ADAM10: variants seen among roughly 807,000 people sequenced by gnomAD.
ADAM10 encodes the protein disintegrin and metalloproteinase domain-containing protein 10.
In ADAM10, 17 loss-of-function variants were observed where a neutral mutation model predicts 90.1. The ratio of observed to expected loss-of-function variants is 0.19; its 90% CI spans 0.13 to 0.28. The LOEUF (loss-of-function observed/expected upper bound fraction) is 0.28. ADAM10 is among the 10% of genes least tolerant of loss of function. ADAM10 has a pLI of 1.00. For missense variants in ADAM10, 610 were observed against 914.3 expected, an observed-to-expected ratio of 0.67 and a Z score of 4.29; for synonymous variants, 310 against 298.6, an observed-to-expected ratio of 1.04 and a Z score of -0.40.
At chr15:58,633,878 G>A (rs1440395644) in intron 8 of ADAM10, among the ~76,000 whole-genome samples, 2 of 104,180 alleles carry the variant, frequency 1.9e-5, no homozygotes, top group African/African-American at 7.0e-5. Flanking sequence ...TGTAAAAATA[G>A]AAAATAATCA....
chr15:58,708,667 T>C (rs548925389), intron 2 of ADAM10, among the ~76,000 whole-genome samples: 23 of 152,236 alleles, frequency 1.5e-4, no homozygotes, highest in Admixed American at 1.3e-3. Context: ...AATACCAACC[T>C]GGCAATTGAT....
intron 4 of ADAM10, among the ~76,000 whole-genome samples, chr15:58,678,662 T>G (rs1192625817): frequency 6.6e-6 from 1 of 152,190 alleles, no homozygotes; most frequent in African/African-American, 2.4e-5. Context: ...GTCAAGTCAT[T>G]ACCTTAAGAT....
intron 11 of ADAM10, among the ~76,000 whole-genome samples, chr15:58,620,660 A>AT (rs570842513): frequency 0.91 from 53,878 of 59,398 alleles, 25,890 homozygotes; most frequent in East Asian, 0.98. Context: ...AAGAATATGT[A>AT]TTTTTTTTTT....
At chr15:58,748,931 TAA>T (rs1899882417) in intron 1 of ADAM10, 5 of 397,846 alleles carry the variant, frequency 1.3e-5, no homozygotes, top group African/African-American at 1.0e-4. Context: ...GCGCGCCGGG[TAA>T]AGAACAATAC....
intron 2 of ADAM10, among the ~76,000 whole-genome samples, chr15:58,700,148 G>A (rs1431243450): frequency 3.9e-5 from 6 of 152,110 alleles, no homozygotes; most frequent in Non-Finnish European, 5.9e-5. Context: ...ATAATAGTTG[G>A]TAGACTTCAA....
At position 58,729,013 on chromosome 15, in the gene ADAM10, A is replaced by C. The variant is rs924501733; in HGVS notation, c.56-11286T>G. ...AGAAAACAGCAACTAAGCCATTTTCAAGAACTTCTTAGAAGACCAGAAGGT... is the reference window on the plus strand; with the variant it reads ...AGAAAACAGCAACTAAGCCATTTTCCAGAACTTCTTAGAAGACCAGAAGGT... On this transcript the variant is annotated intron_variant, in intron 1 of 15. Coordinates refer to ENST00000260408, the MANE Select transcript of ADAM10 (RefSeq NM_001110.4). Among the ~76,000 whole-genome samples the C allele has an allele frequency of 7.2e-5, 11 of 152,306 alleles. No individual in the cohort carries two copies. In the South Asian group the frequency reaches 1.0e-3, roughly 14 times the overall value.
intron 9 of ADAM10, 54 bp from the exon 10 acceptor site, chr15:58,627,937 G>A (rs1175686040): frequency 6.5e-7 from 1 of 1,538,774 alleles, no homozygotes; most frequent in African/African-American, 1.4e-5. Context: ...AGGTTTTCAG[G>A]TCAACTGATT....
intron 1 of ADAM10, among the ~76,000 whole-genome samples, chr15:58,726,617 GAA>G: frequency 1.1e-5 from 1 of 92,098 alleles, no homozygotes; most frequent in African/African-American, 4.1e-5. Context: ...AAAAATGCAA[GAA>G]AAGAGGGGGA....
At chr15:58,729,596 G>T (rs1747175203) in intron 1 of ADAM10, among the ~76,000 whole-genome samples, 1 of 152,116 alleles carries the variant, frequency 6.6e-6, no homozygotes, top group Non-Finnish European at 1.5e-5. Flanking sequence ...CAGCTATACA[G>T]GTTGAGTATC....
At chr15:58,740,012 T>G (rs1899553972) in intron 1 of ADAM10, among the ~76,000 whole-genome samples, 1 of 152,256 alleles carries the variant, frequency 6.6e-6, no homozygotes, top group South Asian at 2.1e-4. Context: ...GACACTGTGC[T>G]AGGTCCTAAA....
rs996816002 is a variant in ADAM10, at chr15:58,589,356, G to C, written c.*8191C>G. The C allele has an allele frequency of 1.3e-5, 2 of 152,210 alleles. No individual in the cohort carries two copies. Among genetic ancestry groups the C allele is most frequent in the Non-Finnish European group, 2.9e-5 (2 of 68,046 alleles). The allele number at this position is 152,210 out of a possible 1,614,324, so 9.4% of individuals were successfully genotyped here. A position where few individuals can be genotyped will look rare whatever the true frequency, so the allele number is the denominator to read the frequency against. On this transcript the variant is annotated 3_prime_UTR_variant, in exon 16 of 16. Transcript: ENST00000260408. ...TTGTGACAGCAGCTTGGACTAGTTA[G>C]AGCAAACTTTTACCGAAACTCCAAA... is the stretch of plus-strand genomic sequence containing the variant.
At chr15:58,652,353 T>C (rs1896710084) in intron 5 of ADAM10, among the ~76,000 whole-genome samples, 1 of 152,232 alleles carries the variant, frequency 6.6e-6, no homozygotes, top group Admixed American at 6.5e-5. Flanking sequence ...CAACGTTTTC[T>C]TGCAGCAGTC....
intron 3 of ADAM10, among the ~76,000 whole-genome samples, chr15:58,680,228 T>A (rs1021980903): frequency 3.9e-5 from 6 of 152,024 alleles, no homozygotes; most frequent in African/African-American, 7.2e-5. Flanking sequence ...GCTCAGGCAC[T>A]CCTCCCACCT....
chr15:58,684,923 T>G, intron 2 of ADAM10, among the ~76,000 whole-genome samples: 1 of 152,138 alleles, frequency 6.6e-6, no homozygotes, highest in Non-Finnish European at 1.5e-5. Flanking sequence ...GAACACCCAC[T>G]TGGTGTCTGG....
rs1894827116 is a variant in ADAM10 at position 58,591,687 on chromosome 15, CTA to C, written c.*5858_*5859del. The C allele has an allele frequency of 6.6e-6, 1 of 152,340 alleles. No homozygotes were observed. Among genetic ancestry groups the C allele is most frequent in the South Asian group, 2.1e-4 (1 of 4,828 alleles). 9.4% of individuals were successfully genotyped at this position (152,340 alleles called of 1,614,324 possible). A position where few individuals can be genotyped will look rare whatever the true frequency, so the allele number is the denominator to read the frequency against. On this transcript the variant is annotated 3_prime_UTR_variant, in exon 16 of 16. Coordinates refer to ENST00000260408, the MANE Select transcript of ADAM10 (RefSeq NM_001110.4). ...CAACTCACAGCCAATCTTGTTTCAA[CTA>C]TATCCACACACACCAGCCAACTTCA...
chr15:58,691,857 G>C (rs192303069), intron 2 of ADAM10, among the ~76,000 whole-genome samples: 18 of 151,720 alleles, frequency 1.2e-4, no homozygotes, highest in African/African-American at 4.1e-4. Flanking sequence ...TGTATTTTTA[G>C]TAGAGACGGG....
At chr15:58,688,783 T>TAC (rs1253330740) in intron 2 of ADAM10, among the ~76,000 whole-genome samples, 3 of 134,706 alleles carry the variant, frequency 2.2e-5, no homozygotes, top group South Asian at 2.4e-4. Flanking sequence ...TATATATATA[T>TAC]ATATCTCTCT....
intron 8 of ADAM10, among the ~76,000 whole-genome samples, chr15:58,639,609 T>A (rs1391358066): frequency 1.3e-5 from 2 of 151,988 alleles, no homozygotes; most frequent in East Asian, 3.9e-4. Flanking sequence ...AAGACAAATA[T>A]CCAAAAGTAC....
At chr15:58,599,853 G>C in intron 14 of ADAM10, 129 bp from the exon 15 acceptor site, 1 of 875,342 alleles carries the variant, frequency 1.1e-6, no homozygotes, top group Non-Finnish European at 1.7e-6. Context: ...TTGTTTAGGA[G>C]TTGTATACAT....
Sources: gnomAD v4.1 joint callset for allele counts (sites outside exome capture counted in the v4.1 genomes callset) on GRCh38, gnomAD v4.1.1 for gene constraint, MANE v1.5 for transcripts, NCBI Gene and HGNC (gene_info 2026-07-23, HGNC 2026-07-21) for gene names.